The following DIAPH3 variants were observed in gnomAD, a reference collection of about 807,000 sequenced individuals.
DIAPH3 encodes the protein diaphanous related formin 3, also known as protein diaphanous homolog 3.
A neutral mutation model predicts 144.3 loss-of-function variants in DIAPH3; 117 were observed. The ratio of observed to expected loss-of-function variants is 0.81; its 90% CI spans 0.70 to 0.95. DIAPH3 has a LOEUF of 0.95. Among genes scored for constraint, DIAPH3 ranks in the 40% least tolerant of loss-of-function variants. The pLI is 0.00. For synonymous variants in DIAPH3, 519 were observed against 488.9 expected, an observed-to-expected ratio of 1.06 and a Z score of -0.81; for missense variants, 1,421 against 1,412.7, an observed-to-expected ratio of 1.01 and a Z score of -0.09.
chr13:59,670,708 G>A (rs1057389182), intron 27 of DIAPH3, among the ~76,000 whole-genome samples: 5 of 150,862 alleles, frequency 3.3e-5, no homozygotes, highest in African/African-American at 1.2e-4. Context: ...TCAGCCTCCC[G>A]AGTAGCTGGG....
intron 12 of DIAPH3, among the ~76,000 whole-genome samples, chr13:59,984,320 T>C (rs1317413821): frequency 1.3e-5 from 2 of 151,754 alleles, no homozygotes; most frequent in African/African-American, 4.8e-5. Flanking sequence ...TGTGGTATAC[T>C]GTTTTCCAAG....
intron 25 of DIAPH3, among the ~76,000 whole-genome samples, chr13:59,791,087 TG>T (rs1380323633): frequency 2.6e-5 from 4 of 152,198 alleles, no homozygotes; most frequent in Non-Finnish European, 5.9e-5. Flanking sequence ...AGGATCCTCC[TG>T]CTAAAGCCTC....
chr13:59,774,300 A>C (rs1262119157), intron 26 of DIAPH3, 52 bp from the exon 27 acceptor site: 4 of 1,485,664 alleles, frequency 2.7e-6, no homozygotes, highest in Non-Finnish European at 3.7e-6. Flanking sequence ...GGGCATCTCA[A>C]GAAGGAAAAC....
In DIAPH3 at chr13:59,893,951, T is replaced by G. The variant is rs577019969; in HGVS notation, c.2368-14483A>C. ...GCTGTGTTTCTTAGTATTGATTGTA[T>G]GCAATTTTTATTCTTTGTTTCTACG... On this transcript the variant is annotated intron_variant, in intron 20 of 27. Transcript: ENST00000400324. Among the ~76,000 whole-genome samples, 206 of 152,276 alleles carry G rather than the reference T, an allele frequency of 1.4e-3. 1 individual carries two copies. Among genetic ancestry groups the G allele is most frequent in the African/African-American group, 4.3e-3 (178 of 41,572 alleles).
At chr13:60,125,421 G>C (rs1469965053) in intron 2 of DIAPH3, among the ~76,000 whole-genome samples, 2 of 47,440 alleles carry the variant, frequency 4.2e-5, no homozygotes, top group African/African-American at 1.6e-4. Flanking sequence ...TTTTTTTTTT[G>C]GTAGAGACAG....
At chr13:60,131,795 A>C (rs2059149758) in intron 2 of DIAPH3, among the ~76,000 whole-genome samples, 1 of 152,228 alleles carries the variant, frequency 6.6e-6, no homozygotes, top group African/African-American at 2.4e-5. Flanking sequence ...TTCAAACATA[A>C]AAATTGCAGA....
chr13:60,156,383 G>C (rs1202448921), intron 1 of DIAPH3, among the ~76,000 whole-genome samples: 4 of 152,194 alleles, frequency 2.6e-5, no homozygotes, highest in African/African-American at 9.7e-5. Flanking sequence ...GTCATACAAA[G>C]TATGAAACTC....
chr13:59,848,514 T>G (rs948999560), intron 22 of DIAPH3, among the ~76,000 whole-genome samples: 1 of 145,326 alleles, frequency 6.9e-6, no homozygotes, highest in African/African-American at 2.5e-5. Context: ...CCCCTTCATG[T>G]GTCCATGTGA....
chr13:59,964,347 A>T (rs1176713375), intron 17 of DIAPH3, among the ~76,000 whole-genome samples: 2 of 152,046 alleles, frequency 1.3e-5, no homozygotes, highest in African/African-American at 4.8e-5. Context: ...AAAAGAAGGA[A>T]AAAGCTATGT....
chr13:59,822,527 G>A (rs936283607), intron 24 of DIAPH3, among the ~76,000 whole-genome samples: 2 of 151,838 alleles, frequency 1.3e-5, no homozygotes, highest in Admixed American at 6.6e-5. Context: ...TGCAACCTCC[G>A]CCTCCTGGGT....
At chr13:60,036,219 T>C (rs2055198723) in intron 5 of DIAPH3, among the ~76,000 whole-genome samples, 1 of 152,196 alleles carries the variant, frequency 6.6e-6, no homozygotes, top group African/African-American at 2.4e-5. Flanking sequence ...TTTATAATAG[T>C]CTCACCATCT....
At chr13:59,921,127 C>T (rs1309337492) in intron 18 of DIAPH3, among the ~76,000 whole-genome samples, 1 of 144,928 alleles carries the variant, frequency 6.9e-6, no homozygotes, top group East Asian at 2.0e-4. Context: ...AAATAAATGT[C>T]TACACTAAAA....
chr13:59,900,072 C>T (rs1382265953), intron 20 of DIAPH3, among the ~76,000 whole-genome samples: 2 of 152,186 alleles, frequency 1.3e-5, no homozygotes, highest in African/African-American at 2.4e-5. Context: ...TATCCTCCCA[C>T]TCTACAGAGA....
intron 24 of DIAPH3, among the ~76,000 whole-genome samples, chr13:59,822,849 G>A (rs2041150369): frequency 1.3e-5 from 2 of 152,082 alleles, no homozygotes; most frequent in South Asian, 4.1e-4. Context: ...GAGGGTGTAT[G>A]AGAATAATCT....
At chr13:60,051,962 C>T (rs978577188) in intron 4 of DIAPH3, among the ~76,000 whole-genome samples, 1 of 152,152 alleles carries the variant, frequency 6.6e-6, no homozygotes, top group Non-Finnish European at 1.5e-5. Flanking sequence ...CTGTTAAGGG[C>T]TTGCTTATTA....
At chr13:60,004,996 C>A (rs1012446953) in intron 9 of DIAPH3, among the ~76,000 whole-genome samples, 1 of 152,182 alleles carries the variant, frequency 6.6e-6, no homozygotes, top group African/African-American at 2.4e-5. Flanking sequence ...TCTCCTCCTC[C>A]CTACCTCTAT....
intron 27 of DIAPH3, among the ~76,000 whole-genome samples, chr13:59,741,981 T>C (rs191972330): frequency 6.6e-6 from 1 of 152,270 alleles, no homozygotes. Flanking sequence ...GAAAGAGGTT[T>C]AATGGACTCA....
chr13:59,985,734 A>G (rs370497979), intron 12 of DIAPH3, among the ~76,000 whole-genome samples: 1 of 92,122 alleles, frequency 1.1e-5, no homozygotes, highest in Non-Finnish European at 2.3e-5. Flanking sequence ...TTGCTTCAAA[A>G]AGAATAAAAT....
intron 1 of DIAPH3, among the ~76,000 whole-genome samples, chr13:60,162,306 C>A (rs575193971): frequency 4.5e-4 from 68 of 152,222 alleles, no homozygotes; most frequent in African/African-American, 1.6e-3. Flanking sequence ...GAAAATAACA[C>A]CTCCTGTATT....
Sources: gnomAD v4.1 joint callset for allele counts (sites outside exome capture counted in the v4.1 genomes callset) on GRCh38, gnomAD v4.1.1 for gene constraint, MANE v1.5 for transcripts, NCBI Gene and HGNC (gene_info 2026-07-23, HGNC 2026-07-21) for gene names.